Variants in RBFOX1 observed in about 807,000 individuals in gnomAD.
The protein encoded by RBFOX1 is RNA binding protein fox-1 homolog 1.
A neutral mutation model predicts 57.7 loss-of-function variants in RBFOX1; 8 were observed. The observed-to-expected ratio is 0.14, with a 90% confidence interval of 0.08 to 0.25. The LOEUF (loss-of-function observed/expected upper bound fraction) is 0.25, where lower values mean the gene tolerates loss of function less well. Ranked by LOEUF, RBFOX1 falls within the 10% of genes least tolerant of loss-of-function variation. RBFOX1 has a pLI of 1.00. For synonymous variants in RBFOX1, 326 were observed against 222.4 expected, an observed-to-expected ratio of 1.47 and a Z score of -4.15; for missense variants, 611 against 548.5, an observed-to-expected ratio of 1.11 and a Z score of -1.14.
At chr16:7,536,768 C>G (rs150619188) in intron 5 of RBFOX1, among the ~76,000 whole-genome samples, 3 of 152,110 alleles carry the variant, frequency 2.0e-5, no homozygotes. Flanking sequence ...GACAGGGATG[C>G]CATGGTAGTA....
At chr16:7,311,603 C>G (rs1012160461) in intron 4 of RBFOX1, among the ~76,000 whole-genome samples, 1 of 150,738 alleles carries the variant, frequency 6.6e-6, no homozygotes, top group African/African-American at 2.4e-5. Flanking sequence ...CTTCCTCTTG[C>G]TCTGCCTGAA....
intron 1 of RBFOX1, among the ~76,000 whole-genome samples, chr16:5,444,686 A>T (rs1040377488): frequency 6.6e-6 from 1 of 152,192 alleles, no homozygotes; most frequent in African/African-American, 2.4e-5. Context: ...AGGGAAAAAT[A>T]TGGGGCTGGG....
intron 5 of RBFOX1, among the ~76,000 whole-genome samples, chr16:7,545,269 TC>T (rs1048142867): frequency 3.3e-5 from 5 of 152,028 alleles, no homozygotes; most frequent in African/African-American, 1.2e-4. Flanking sequence ...ACAGCAGTTT[TC>T]CTTTGAGACA....
chr16:5,882,579 G>C (rs942245077), intron 4 of RBFOX1, among the ~76,000 whole-genome samples: 2 of 152,164 alleles, frequency 1.3e-5, no homozygotes, highest in Non-Finnish European at 2.9e-5. Flanking sequence ...CTCATGATTT[G>C]TGGTGAAACT....
intron 4 of RBFOX1, among the ~76,000 whole-genome samples, chr16:7,377,243 A>G (rs760164447): frequency 3.3e-4 from 50 of 152,188 alleles, no homozygotes; most frequent in African/African-American, 1.1e-3. Flanking sequence ...GTGCTCTGGC[A>G]TATGTCAGTG....
intron 2 of RBFOX1, among the ~76,000 whole-genome samples, chr16:6,468,251 C>T (rs934093780): frequency 2.6e-5 from 4 of 152,100 alleles, no homozygotes; most frequent in East Asian, 1.9e-4. Context: ...CCACAGTTTA[C>T]GTTTTTGACT....
chr16:5,533,634 T>G lies in RBFOX1; in HGVS notation c.259-65268T>G, dbSNP rs138651625. Among the ~76,000 whole-genome samples, 464 of 152,232 alleles carry G rather than the reference T, an allele frequency of 3.0e-3. 6 individuals are homozygous for G. The highest frequency in any genetic ancestry group is 0.01 in the African/African-American group (435 of 41,528). ...ATGGATGAGATATTATCACTCCTGATGAAGATTGATTTTAAAGTAACTGGG... is the reference window on the plus strand; with the variant it reads ...ATGGATGAGATATTATCACTCCTGAGGAAGATTGATTTTAAAGTAACTGGG... On this transcript the variant is annotated intron_variant, in intron 2 of 2. Coordinates refer to the RBFOX1 transcript ENST00000585867.
chr16:7,265,563 C>G (rs1027326350), intron 4 of RBFOX1, among the ~76,000 whole-genome samples: 27 of 152,092 alleles, frequency 1.8e-4, no homozygotes, highest in African/African-American at 5.6e-4. Context: ...ATTCTCCTGC[C>G]TCAGCCTCCC....
intron 3 of RBFOX1, chr16:5,611,299 G>A (rs2151246498): frequency 6.6e-6 from 1 of 152,232 alleles, no homozygotes; most frequent in Non-Finnish European, 1.5e-5. Context: ...CTTCATCAAA[G>A]TGTCGATCAC....
chr16:5,578,249 C>A (rs183902565), intron 2 of RBFOX1, among the ~76,000 whole-genome samples: 51 of 152,296 alleles, frequency 3.3e-4, no homozygotes, highest in African/African-American at 1.1e-3. Flanking sequence ...CGTGCCTGCC[C>A]TGGGGATTTG....
intron 5 of RBFOX1, among the ~76,000 whole-genome samples, chr16:7,574,581 C>A (rs772272085): frequency 6.6e-6 from 1 of 152,142 alleles, no homozygotes; most frequent in Non-Finnish European, 1.5e-5. Flanking sequence ...GAGTTGTAGG[C>A]TGGAAGACTC....
rs1397364474 is a variant in RBFOX1, at chr16:6,019,493, C to A, written c.-626C>A. The A allele has an allele frequency of 5.9e-6, 6 of 1,017,694 alleles. No homozygotes were observed. Among genetic ancestry groups the A allele is most frequent in the Non-Finnish European group, 7.0e-6 (6 of 851,328 alleles). The allele number at this position is 1,017,694 out of a possible 1,614,324, so 63.0% of individuals were successfully genotyped here. A position where few individuals can be genotyped will look rare whatever the true frequency, so the allele number is the denominator to read the frequency against. On this transcript the variant is annotated 5_prime_UTR_variant, in exon 1 of 16. Coordinates refer to ENST00000550418, the MANE Select transcript of RBFOX1 (RefSeq NM_018723.4). The surrounding 1 kb of genome is among the most constrained non-coding windows in gnomAD (Gnocchi z 4.2). ...GGAATCCCTCCCCCTCCGCCCCAGC[C>A]CCCCAGCAGCACCCGCGGTGGGGCG...
intron 1 of RBFOX1, among the ~76,000 whole-genome samples, chr16:6,172,685 A>G (rs146073332): frequency 4.6e-5 from 7 of 152,292 alleles, no homozygotes; most frequent in Admixed American, 6.5e-5. Context: ...TGTGTTTGCT[A>G]TTCTTCACAA....
intron 11 of RBFOX1, among the ~76,000 whole-genome samples, chr16:7,642,688 GTTTTTT>G (rs201346544): frequency 6.7e-6 from 1 of 149,344 alleles, no homozygotes; most frequent in Non-Finnish European, 1.5e-5. Flanking sequence ...AATTATTTGG[GTTTTTT>G]TTTTCCGTGG....
intron 4 of RBFOX1, among the ~76,000 whole-genome samples, chr16:7,291,471 T>C (rs1269649661): frequency 6.6e-6 from 1 of 152,008 alleles, no homozygotes; most frequent in Admixed American, 6.6e-5. Flanking sequence ...AGTTGGGAGA[T>C]GGAAGAGTTA....
chr16:7,583,431 A>G (rs1437007051), intron 6 of RBFOX1, among the ~76,000 whole-genome samples: 6 of 152,222 alleles, frequency 3.9e-5, no homozygotes, highest in African/African-American at 9.7e-5. Flanking sequence ...AGAGGAATAT[A>G]TGGATTTCTA....
intron 2 of RBFOX1, among the ~76,000 whole-genome samples, chr16:6,611,776 C>G (rs1353581266): frequency 1.3e-5 from 2 of 152,140 alleles, no homozygotes; most frequent in African/African-American, 2.4e-5. Flanking sequence ...TCATCTTCCC[C>G]TTCTCTCTCT....
At chr16:7,117,743 G>A (rs1463647620) in intron 4 of RBFOX1, among the ~76,000 whole-genome samples, 1 of 152,156 alleles carries the variant, frequency 6.6e-6, no homozygotes, top group African/African-American at 2.4e-5. Flanking sequence ...GCTTAGCTGG[G>A]TTCTCTGCTT....
At chr16:6,302,017 G>C (rs1053861888) in intron 1 of RBFOX1, among the ~76,000 whole-genome samples, 6 of 152,044 alleles carry the variant, frequency 3.9e-5, no homozygotes, top group Non-Finnish European at 8.8e-5. Context: ...CAGGTTTTCA[G>C]TTCTTACCAC....
Sources: gnomAD v4.1 joint callset for allele counts (sites outside exome capture counted in the v4.1 genomes callset) on GRCh38, gnomAD v4.1.1 for gene constraint, Gnocchi (gnomAD v3.1) non-coding constraint, MANE v1.5 for transcripts, NCBI Gene and HGNC (gene_info 2026-07-23, HGNC 2026-07-21) for gene names.